Variants in WDR49 observed in about 807,000 individuals in gnomAD.
The protein encoded by WDR49 is WD repeat domain 49.
WDR49 carries 107 observed loss-of-function variants against 119.5 expected under a neutral mutation model. That is an observed-to-expected ratio of 0.90 (90% confidence interval 0.77 to 1.05). The LOEUF (loss-of-function observed/expected upper bound fraction) is 1.05, where lower values mean the gene tolerates loss of function less well. WDR49 is among the 50% of genes least tolerant of loss of function. The probability of loss-of-function intolerance (pLI) is 0.00; values close to 1 mark genes in which losing one functional copy is unlikely to be tolerated. For missense variants in WDR49, 1,240 were observed against 1,220.5 expected (o/e 1.02, Z -0.24); for synonymous variants, 425 against 418.8 (o/e 1.01, Z -0.18).
At chr3:167,528,432 C>T (rs1752715202) in intron 14 of WDR49, among the ~76,000 whole-genome samples, 1 of 151,800 alleles carries the variant, frequency 6.6e-6, no homozygotes, top group Non-Finnish European at 1.5e-5. Flanking sequence ...AGGAATAGTC[C>T]TCTAGTATTT....
At chr3:167,602,013 C>A in intron 7 of WDR49, 114 bp downstream of exon 7, 1 of 1,296,178 alleles carries the variant, frequency 7.7e-7, no homozygotes, top group Non-Finnish European at 1.0e-6. Context: ...AAGTAGCTAG[C>A]CAGTATATTT....
chr3:167,570,000 G>A (rs1713839990), intron 8 of WDR49, among the ~76,000 whole-genome samples: 2 of 151,846 alleles, frequency 1.3e-5, no homozygotes, highest in Admixed American at 6.6e-5. Context: ...GCATGTACAT[G>A]TATGTTTTAG....
At chr3:167,488,723 T>C (rs891791171) in intron 18 of WDR49, among the ~76,000 whole-genome samples, 2 of 151,984 alleles carry the variant, frequency 1.3e-5, no homozygotes, top group African/African-American at 4.8e-5. Flanking sequence ...TCAGGTCACA[T>C]TCCTCTTTAA....
At chr3:167,625,967 A>T (rs954136024) in intron 3 of WDR49, among the ~76,000 whole-genome samples, 1 of 147,964 alleles carries the variant, frequency 6.8e-6, no homozygotes, top group Non-Finnish European at 1.5e-5. Flanking sequence ...CATGTATATC[A>T]AAAGAGACAT....
Position 167,602,199 on chromosome 3 carries a change from G to A in WDR49, c.1203C>T (p.Gly401=). The change falls in exon 7 of 19, where the codon GGC becomes GGT. Residue 401 remains glycine (G), a synonymous_variant. Transcript: ENST00000682715. The stretch of plus-strand genomic sequence containing the variant: ...GGACGGCTATTACACTGGCTGAGTG[G>A]CCCCAAAGGACACCCACTGGTTTAG... ...VVSKPVGVLW[G]HSASVIAVQF... 6.2e-7 allele frequency: 1 copy of A among 1,606,652 alleles called. No individual in the cohort carries two copies.
intron 2 of WDR49, among the ~76,000 whole-genome samples, chr3:167,634,361 T>G (rs1301214348): frequency 6.6e-6 from 1 of 151,912 alleles, no homozygotes; most frequent in African/African-American, 2.4e-5. Context: ...AAATAACCAG[T>G]TATTAAATTG....
chr3:167,489,792 C>A (rs1009326954), intron 18 of WDR49, among the ~76,000 whole-genome samples: 1 of 152,142 alleles, frequency 6.6e-6, no homozygotes, highest in African/African-American at 2.4e-5. Context: ...ATGTACTATG[C>A]AATGACTACC....
chr3:167,509,752 T>C (rs1385314398), intron 16 of WDR49, among the ~76,000 whole-genome samples: 3 of 152,170 alleles, frequency 2.0e-5, no homozygotes, highest in African/African-American at 7.2e-5. Flanking sequence ...TGAAGGTATT[T>C]AAAGAACTGT....
At chr3:167,655,915 C>T (rs1360595964), upstream of WDR49, among the ~76,000 whole-genome samples, 1 of 151,950 alleles carries the variant, frequency 6.6e-6, no homozygotes, top group African/African-American at 2.4e-5. Flanking sequence ...CTCTCTATCT[C>T]TCTCTCTCTC....
At chr3:167,542,600 G>A (rs577136786) in intron 10 of WDR49, among the ~76,000 whole-genome samples, 47 of 152,010 alleles carry the variant, frequency 3.1e-4, no homozygotes, top group Non-Finnish European at 4.6e-4. Context: ...CAATAATAGT[G>A]ACACAACTTT....
At chr3:167,580,629 G>A (rs1714484096) in intron 7 of WDR49, among the ~76,000 whole-genome samples, 1 of 152,056 alleles carries the variant, frequency 6.6e-6, no homozygotes, top group Non-Finnish European at 1.5e-5. Context: ...CTTTAAACCA[G>A]GTAATTGTAT....
intron 7 of WDR49, among the ~76,000 whole-genome samples, chr3:167,582,716 G>A (rs761375263): frequency 3.3e-5 from 5 of 152,096 alleles, no homozygotes; most frequent in African/African-American, 4.8e-5. Flanking sequence ...TTGGGAGGCC[G>A]AGGCAGGCAG....
At chr3:167,626,542 C>T (rs1051365716) in intron 3 of WDR49, among the ~76,000 whole-genome samples, 1 of 151,990 alleles carries the variant, frequency 6.6e-6, no homozygotes, top group African/African-American at 2.4e-5. Flanking sequence ...TTGAATCTTG[C>T]CATGCACTAT....
chr3:167,578,196 G>C (rs1017156685), intron 7 of WDR49, among the ~76,000 whole-genome samples: 2 of 152,062 alleles, frequency 1.3e-5, no homozygotes, highest in Non-Finnish European at 2.9e-5. Flanking sequence ...GTGGCCTCTT[G>C]ATTCTCTCAA....
At chr3:167,549,936 T>C (rs1258095443) in intron 10 of WDR49, among the ~76,000 whole-genome samples, 2 of 152,308 alleles carry the variant, frequency 1.3e-5, no homozygotes, top group East Asian at 3.9e-4. Context: ...CCCAGCACCA[T>C]TTATTAAATA....
At chr3:167,563,485 A>T (rs185174161) in intron 8 of WDR49, among the ~76,000 whole-genome samples, 4 of 152,178 alleles carry the variant, frequency 2.6e-5, no homozygotes, top group African/African-American at 9.7e-5. Flanking sequence ...TAAAATCATG[A>T]AAGTGTAATT....
In WDR49 at chr3:167,505,419, G is replaced by A. The variant is rs1394333199; in HGVS notation, c.2775-3C>T. On this transcript the variant is annotated splice_polypyrimidine_tract_variant and splice_region_variant and intron_variant, in intron 16 of 18. Transcript: ENST00000682715. ...TTATATCTTCTGATGGTCTGACACT[G>A]GAAGAAAATATTTCATGATGAAATA... 1.3e-6 allele frequency: 2 copies of A among 1,510,260 alleles called. No homozygotes were observed. The highest frequency in any genetic ancestry group is 1.4e-5 in the African/African-American group (1 of 69,486). The allele number at this position is 1,510,260 out of a possible 1,614,324, so 93.6% of individuals were successfully genotyped here. A position where few individuals can be genotyped will look rare whatever the true frequency, so the allele number is the denominator to read the frequency against.
intron 8 of WDR49, among the ~76,000 whole-genome samples, chr3:167,563,383 A>G (rs1400193586): frequency 2.0e-5 from 3 of 149,862 alleles, no homozygotes; most frequent in Non-Finnish European, 4.4e-5. Flanking sequence ...AAAAAGAAAG[A>G]AACCTGATTT....
chr3:167,532,823 C>T, intron 12 of WDR49, 56 bp downstream of exon 12: 2 of 1,300,154 alleles, frequency 1.5e-6, no homozygotes, highest in Non-Finnish European at 2.2e-6. Flanking sequence ...GCATGAACAA[C>T]CAGGCCTACT....
Sources: gnomAD v4.1 joint callset for allele counts (sites outside exome capture counted in the v4.1 genomes callset) on GRCh38, gnomAD v4.1.1 for gene constraint, MANE v1.5 for transcripts, NCBI Gene and HGNC (gene_info 2026-07-23, HGNC 2026-07-21) for gene names.